The following CCDC125 variants were observed in gnomAD, a reference collection of about 807,000 sequenced individuals.
The protein encoded by CCDC125 is coiled-coil domain containing 125.
In CCDC125, 43 loss-of-function variants were observed where a neutral mutation model predicts 57.4. The ratio of observed to expected loss-of-function variants is 0.75; its 90% CI spans 0.59 to 0.97. The LOEUF (loss-of-function observed/expected upper bound fraction) is 0.97, where lower values mean the gene tolerates loss of function less well. Ranked by LOEUF, CCDC125 falls within the 50% of genes least tolerant of loss-of-function variation. The pLI is 0.00. For missense variants in CCDC125, 563 were observed against 595.7 expected, an observed-to-expected ratio of 0.95 and a Z score of 0.57; for synonymous variants, 187 against 195.2, an observed-to-expected ratio of 0.96 and a Z score of 0.35.
intron 8 of CCDC125, among the ~76,000 whole-genome samples, chr5:69,298,021 G>GT (rs200950089): frequency 0.36 from 52,155 of 143,840 alleles, 10,208 homozygotes; most frequent in East Asian, 0.49. Context: ...TAAAAATAAA[G>GT]TTTTTTTTTT....
chr5:69,293,767 T>C (rs578112803), intron 9 of CCDC125, among the ~76,000 whole-genome samples: 9 of 152,336 alleles, frequency 5.9e-5, no homozygotes, highest in African/African-American at 2.2e-4. Context: ...GGTAAATGTG[T>C]GCCATGGTGG....
At chr5:69,278,205 C>CTTTATT (rs111487084), downstream of CCDC125, among the ~76,000 whole-genome samples, 1 of 149,558 alleles carries the variant, frequency 6.7e-6, no homozygotes, top group African/African-American at 2.5e-5. Flanking sequence ...TAAAAATTCA[C>CTTTATT]TTTATTTTAT....
In CCDC125 at chr5:69,292,334, T is replaced by G. The variant is rs768522076; in HGVS notation, c.953A>C (p.Glu318Ala). Residue 318 changes from glutamate to alanine, a missense_variant, in exon 10 of 12, where the codon GAA becomes GCA. Coordinates refer to ENST00000396496, the MANE Select transcript of CCDC125 (RefSeq NM_176816.5). ...ELEILQKSKE[E>A]AYVMADAFRI... ...GAAAGCATCTGCCATCACGTAAGCTTCTTCTTTACTCTTCTGCAAAATTTC... is the reference window on the plus strand; with the variant it reads ...GAAAGCATCTGCCATCACGTAAGCTGCTTCTTTACTCTTCTGCAAAATTTC... The G allele has an allele frequency of 1.6e-5, 26 of 1,612,548 alleles. No individual in the cohort carries two copies. Among genetic ancestry groups the G allele is most frequent in the Middle Eastern group, 3.3e-4 (2 of 6,054 alleles).
intron 1 of CCDC125, among the ~76,000 whole-genome samples, chr5:69,326,554 AGAG>A (rs1307217335): frequency 1.3e-5 from 2 of 152,182 alleles, no homozygotes; most frequent in African/African-American, 4.8e-5. Flanking sequence ...GGCAGGCAGC[AGAG>A]AAGAAAATGG....
intron 2 of CCDC125, among the ~76,000 whole-genome samples, chr5:69,316,876 A>G (rs928703381): frequency 6.6e-6 from 1 of 152,192 alleles, no homozygotes; most frequent in Non-Finnish European, 1.5e-5. Context: ...AAGCCATTAA[A>G]TGTGTGGTAT....
At chr5:69,290,609 CT>C (rs893445352) in intron 10 of CCDC125, among the ~76,000 whole-genome samples, 38 of 120,622 alleles carry the variant, frequency 3.2e-4, no homozygotes, top group African/African-American at 8.6e-4. Context: ...GGCCAGGTTT[CT>C]TTTTTTTTTC....
intron 7 of CCDC125, among the ~76,000 whole-genome samples, chr5:69,301,058 C>A (rs1229735925): frequency 2.8e-5 from 4 of 141,402 alleles, no homozygotes; most frequent in African/African-American, 7.9e-5. Flanking sequence ...TGCGCCATTG[C>A]ACTCTAGCCT....
intron 6 of CCDC125, among the ~76,000 whole-genome samples, chr5:69,304,186 C>A (rs1756959727): frequency 6.6e-6 from 1 of 151,640 alleles, no homozygotes; most frequent in Non-Finnish European, 1.5e-5. Flanking sequence ...CTCACTGCAA[C>A]CTCCACCTCT....
intron 2 of CCDC125, 45 bp downstream of exon 2, chr5:69,320,192 A>T: frequency 6.8e-7 from 1 of 1,479,038 alleles, no homozygotes; most frequent in Non-Finnish European, 9.3e-7. Context: ...TAGCTTTGAT[A>T]CTATGCACAG....
At chr5:69,285,543 T>C (rs1044951184) in intron 10 of CCDC125, 76 bp from the exon 11 acceptor site, 2 of 1,439,918 alleles carry the variant, frequency 1.4e-6, no homozygotes, top group African/African-American at 2.9e-5. Flanking sequence ...AGAGGTAACT[T>C]GATCTCTAGG....
intron 10 of CCDC125, among the ~76,000 whole-genome samples, chr5:69,286,222 ATATATATATAT>A (rs1255549243): frequency 2.1e-5 from 2 of 95,436 alleles, no homozygotes; most frequent in African/African-American, 7.5e-5. Context: ...ATATATATAT[ATATATATATAT>A]AATTTTTTTT....
downstream of CCDC125, among the ~76,000 whole-genome samples, chr5:69,278,036 A>AG (rs1471089745): frequency 6.6e-6 from 1 of 151,846 alleles, no homozygotes; most frequent in Non-Finnish European, 1.5e-5. Flanking sequence ...GCACCACTAC[A>AG]CCTGCCTAAT....
chr5:69,285,342 C>T lies in CCDC125; in HGVS notation c.1225G>A (p.Asp409Asn), dbSNP rs1390521424. The T allele has an allele frequency of 6.2e-7, 1 of 1,608,962 alleles. No homozygotes were observed. Among genetic ancestry groups the T allele is most frequent in the Admixed American group, 1.7e-5 (1 of 58,150 alleles). ...SPQEVLKMLI[D>N]LLNDKEEALA... ...AAAAAAGCAAAGACACTAACCAAATCTATGAGCATCTTAAGGACCTCTTGA... is the reference window on the plus strand; with the variant it reads ...AAAAAAGCAAAGACACTAACCAAATTTATGAGCATCTTAAGGACCTCTTGA... The change falls in exon 11 of 12, where the codon GAT becomes AAT. Residue 409 changes from aspartate to asparagine, a missense_variant. Asp to Asn is a conservative substitution (Grantham distance 23). Transcript: ENST00000396496.
chr5:69,299,255 G>A (rs1431602323), intron 8 of CCDC125, among the ~76,000 whole-genome samples: 4 of 151,988 alleles, frequency 2.6e-5, no homozygotes, highest in African/African-American at 4.8e-5. Flanking sequence ...GACTACAGGC[G>A]CCCGCCACCG....
chr5:69,313,604 A>G, intron 3 of CCDC125: 2 of 731,538 alleles, frequency 2.7e-6, no homozygotes, highest in South Asian at 2.9e-5. Context: ...TCTTGGTCTC[A>G]TAGGTTGCGT....
chr5:69,302,756 T>C (rs1035483302), intron 7 of CCDC125, among the ~76,000 whole-genome samples: 1 of 152,020 alleles, frequency 6.6e-6, no homozygotes, highest in Non-Finnish European at 1.5e-5. Context: ...AAATATCTTA[T>C]TATCCTTGCA....
At chr5:69,277,209 T>A, downstream of CCDC125, 1 of 1,079,286 alleles carries the variant, frequency 9.3e-7, no homozygotes, top group Non-Finnish European at 1.4e-6. Flanking sequence ...TAGTAAACAT[T>A]AAGTAAATGC....
intron 8 of CCDC125, among the ~76,000 whole-genome samples, chr5:69,299,552 C>T (rs2150407038): frequency 6.6e-6 from 1 of 152,300 alleles, no homozygotes; most frequent in Middle Eastern, 3.4e-3. Flanking sequence ...TTGTTCTGAA[C>T]CTGGCTTTAC....
the CCDC125 span, among the ~76,000 whole-genome samples, chr5:69,274,163 A>C: frequency 2.0e-5 from 3 of 152,198 alleles, no homozygotes; most frequent in Non-Finnish European, 4.4e-5. Context: ...TTGAAACTTA[A>C]CAGAAAAATA....
Sources: gnomAD v4.1 joint callset for allele counts (sites outside exome capture counted in the v4.1 genomes callset) on GRCh38, gnomAD v4.1.1 for gene constraint, MANE v1.5 for transcripts, NCBI Gene and HGNC (gene_info 2026-07-23, HGNC 2026-07-21) for gene names.